The following NLGN1 variants were observed in gnomAD, a reference collection of about 807,000 sequenced individuals.
The protein encoded by NLGN1 is neuroligin-1.
NLGN1 carries 12 observed loss-of-function variants against 65.5 expected under a neutral mutation model. The observed-to-expected ratio is 0.18, with a 90% CI of 0.12 to 0.30. The LOEUF (loss-of-function observed/expected upper bound fraction) is 0.30. Among genes scored for constraint, NLGN1 ranks in the 10% least tolerant of loss-of-function variants. NLGN1 has a pLI of 1.00. For missense variants in NLGN1, 750 were observed against 1,007.1 expected, an observed-to-expected ratio of 0.74 and a Z score of 3.46; for synonymous variants, 350 against 359.5, an observed-to-expected ratio of 0.97 and a Z score of 0.30.
At chr3:173,539,692 A>ATATGCACATATATACCATACATATATGTG (rs1560406608) in intron 2 of NLGN1, among the ~76,000 whole-genome samples, 1 of 135,018 alleles carries the variant, frequency 7.4e-6, no homozygotes, top group African/African-American at 3.0e-5. Flanking sequence ...ACATATATGT[A>ATATGCACATATATACCATACATATATGTG]CATATGCACA....
At chr3:173,519,506 C>T (rs1444761630) in intron 2 of NLGN1, among the ~76,000 whole-genome samples, 3 of 152,272 alleles carry the variant, frequency 2.0e-5, no homozygotes, top group South Asian at 4.1e-4. Flanking sequence ...TTTGGAAACA[C>T]ACCCCTTGCA....
chr3:173,492,119 G>T, intron 2 of NLGN1, among the ~76,000 whole-genome samples: 1 of 151,776 alleles, frequency 6.6e-6, no homozygotes, highest in South Asian at 2.1e-4. Context: ...CCAAGCCTCA[G>T]TTCTTTACAT....
chr3:173,417,285 T>C (rs11710585), intron 1 of NLGN1, among the ~76,000 whole-genome samples: 10,323 of 151,996 alleles, frequency 0.068, 393 homozygotes, highest in Middle Eastern at 0.1. Flanking sequence ...ATAAATTTTC[T>C]GATTATCTTT....
intron 2 of NLGN1, among the ~76,000 whole-genome samples, chr3:173,556,576 A>G (rs1183442397): frequency 6.6e-6 from 1 of 152,062 alleles, no homozygotes; most frequent in African/African-American, 2.4e-5. Flanking sequence ...GAATTTAGGG[A>G]GGCTGAAGCA....
intron 1 of NLGN1, among the ~76,000 whole-genome samples, chr3:173,415,943 A>AGAGAGCGAGC (rs141095727): frequency 1.7e-4 from 24 of 142,882 alleles, no homozygotes; most frequent in African/African-American, 4.7e-4. Context: ...AGAGAGAGAG[A>AGAGAGCGAGC]GCTTGGTATA....
chr3:174,242,937 A>C (rs2152833245), intron 4 of NLGN1, among the ~76,000 whole-genome samples: 1 of 152,318 alleles, frequency 6.6e-6, no homozygotes, highest in African/African-American at 2.4e-5. Context: ...CCAGCATGAT[A>C]AACTTTATAA....
At chr3:174,109,972 G>T (rs2152613498) in intron 4 of NLGN1, among the ~76,000 whole-genome samples, 1 of 152,120 alleles carries the variant, frequency 6.6e-6, no homozygotes, top group African/African-American at 2.4e-5. Flanking sequence ...ACATTTTAAA[G>T]AACTGCAAAA....
At chr3:173,852,228 CGCCT>C in intron 4 of NLGN1, among the ~76,000 whole-genome samples, 1 of 150,420 alleles carries the variant, frequency 6.6e-6, no homozygotes, top group African/African-American at 2.4e-5. Context: ...TGGTAGCGGG[CGCCT>C]GTAGTCCCAG....
intron 2 of NLGN1, among the ~76,000 whole-genome samples, chr3:173,578,190 C>A (rs1028764009): frequency 6.7e-6 from 1 of 150,148 alleles, no homozygotes; most frequent in South Asian, 2.1e-4. Context: ...GAGCTGAGAT[C>A]GCACCACTGC....
chr3:174,150,918 C>T (rs1344008096), intron 4 of NLGN1, among the ~76,000 whole-genome samples: 3 of 151,910 alleles, frequency 2.0e-5, no homozygotes, highest in Admixed American at 6.6e-5. Context: ...ACATCAACTA[C>T]GTCCTCTCAA....
At chr3:174,117,367 A>G (rs1044400266) in intron 4 of NLGN1, among the ~76,000 whole-genome samples, 2 of 152,116 alleles carry the variant, frequency 1.3e-5, no homozygotes, top group Admixed American at 1.3e-4. Context: ...CTGTAATCCC[A>G]GCACTTTGGG....
intron 2 of NLGN1, among the ~76,000 whole-genome samples, chr3:173,548,643 A>G (rs1229695087): frequency 1.3e-5 from 2 of 152,082 alleles, no homozygotes; most frequent in African/African-American, 4.8e-5. Context: ...GGATTTTTAT[A>G]CTATTGAAAC....
intron 4 of NLGN1, among the ~76,000 whole-genome samples, chr3:174,127,417 T>A (rs942388329): frequency 6.6e-6 from 1 of 152,174 alleles, no homozygotes; most frequent in African/African-American, 2.4e-5. Context: ...TTCTGGCAGA[T>A]TTTTTACTCG....
intron 3 of NLGN1, among the ~76,000 whole-genome samples, chr3:173,671,648 C>T (rs1018515600): frequency 6.6e-6 from 1 of 152,182 alleles, no homozygotes; most frequent in African/African-American, 2.4e-5. Flanking sequence ...ATATACCTTA[C>T]TCTTTTTCTC....
intron 4 of NLGN1, among the ~76,000 whole-genome samples, chr3:174,212,296 G>A (rs991835402): frequency 1.1e-4 from 16 of 152,298 alleles, no homozygotes; most frequent in African/African-American, 2.6e-4. Context: ...ACGCCTACCC[G>A]GAACTCCAGC....
intron 4 of NLGN1, among the ~76,000 whole-genome samples, chr3:174,171,411 G>A (rs73035632): frequency 0.015 from 2,307 of 152,084 alleles, 58 homozygotes; most frequent in African/African-American, 0.053. Context: ...CCCCTTCTGC[G>A]TCATTTTCCA....
chr3:173,667,637 C>A (rs920763429), intron 3 of NLGN1, among the ~76,000 whole-genome samples: 2 of 151,968 alleles, frequency 1.3e-5, no homozygotes, highest in Non-Finnish European at 2.9e-5. Flanking sequence ...TTCTGAAATT[C>A]CCTTTTTTTT....
In NLGN1 at chr3:174,255,435, C is replaced by CAAAAAAAAAAAAAAAAAAAAA. The variant is rs71162383; in HGVS notation, c.647-19879_647-19859dup. Among the ~76,000 whole-genome samples the CAAAAAAAAAAAAAAAAAAAAA allele has an allele frequency of 5.8e-4, 41 of 70,224 alleles. 3 individuals carry two copies. The highest frequency in any genetic ancestry group is 2.2e-3 in the African/African-American group (29 of 12,942). The allele number at this position is 70,224 out of a possible 152,430, so 46.1% of individuals were successfully genotyped here. A position where few individuals can be genotyped will look rare whatever the true frequency, so the allele number is the denominator to read the frequency against. On this transcript the variant is annotated intron_variant, in intron 4 of 6. Coordinates refer to ENST00000457714, the Ensembl canonical transcript of NLGN1. ...TAGGCGATAGAGCAAGACTCTGTCT[C>CAAAAAAAAAAAAAAAAAAAAA]AAAAAAAAAAAAAAAAAAAAAGCGC...
In NLGN1 at chr3:174,107,031, G is replaced by C. The variant is rs910771282; in HGVS notation, c.647-168284G>C. On this transcript the variant is annotated intron_variant, in intron 4 of 6. Coordinates refer to ENST00000457714, the Ensembl canonical transcript of NLGN1. ...ACACACACACACAGAGAGAGAGAGAGAGAGAGAGAGAGAGAGAGAGAAATA... is the reference window on the plus strand; with the variant it reads ...ACACACACACACAGAGAGAGAGAGACAGAGAGAGAGAGAGAGAGAGAAATA... Among the ~76,000 whole-genome samples, 797 of 147,642 alleles carry C rather than the reference G, an allele frequency of 5.4e-3. 7 individuals carry two copies. Among genetic ancestry groups the C allele is most frequent in the African/African-American group, 0.02 (755 of 37,948 alleles).
Sources: allele counts gnomAD v4.1 joint callset (sites outside exome capture counted in the v4.1 genomes callset), GRCh38; gene constraint gnomAD v4.1.1; transcripts MANE v1.5; gene names NCBI Gene and HGNC (gene_info 2026-07-23, HGNC 2026-07-21).